Variants in ANO6 observed in about 807,000 individuals in gnomAD.
ANO6 encodes anoctamin-6.
Under a neutral mutation model 117.5 loss-of-function variants are expected in ANO6, and 106 were observed. The ratio of observed to expected loss-of-function variants is 0.90; its 90% CI spans 0.77 to 1.06. The LOEUF is 1.06. Ranked by LOEUF, ANO6 falls within the 50% of genes least tolerant of loss-of-function variation. The pLI is 0.00. For synonymous variants in ANO6, 367 were observed against 385.1 expected (o/e 0.95, Z 0.55); for missense variants, 955 against 1,121.1 (o/e 0.85, Z 2.12).
intron 2 of ANO6, among the ~76,000 whole-genome samples, chr12:45,327,383 G>A (rs897451509): frequency 1.3e-5 from 2 of 152,218 alleles, no homozygotes; most frequent in Non-Finnish European, 2.9e-5. Flanking sequence ...TTAGCAACCA[G>A]TGTATCAAAA....
intron 1 of ANO6, among the ~76,000 whole-genome samples, chr12:45,255,514 T>C (rs1056339471): frequency 3.1e-4 from 47 of 152,204 alleles, no homozygotes; most frequent in African/African-American, 8.2e-4. Context: ...AAAACAGGAA[T>C]GTTGCTGAAG....
chr12:45,346,690 T>C (rs915708946), intron 3 of ANO6, among the ~76,000 whole-genome samples: 67 of 152,178 alleles, frequency 4.4e-4, no homozygotes, highest in African/African-American at 1.4e-3. Flanking sequence ...TGTATGCTTT[T>C]ATGAGCCAAA....
At chr12:45,230,126 T>C (rs868289610) in intron 1 of ANO6, among the ~76,000 whole-genome samples, 27 of 152,268 alleles carry the variant, frequency 1.8e-4, no homozygotes, top group Middle Eastern at 6.8e-3. Flanking sequence ...CTTCCACTTA[T>C]ACAGCTCATT....
intron 2 of ANO6, among the ~76,000 whole-genome samples, chr12:45,323,563 A>G (rs955816238): frequency 1.3e-5 from 2 of 152,244 alleles, no homozygotes; most frequent in South Asian, 2.1e-4. Context: ...AGCTTTTACT[A>G]TATTCCAGGT....
intron 10 of ANO6, among the ~76,000 whole-genome samples, chr12:45,382,135 A>G (rs1942184740): frequency 6.6e-6 from 1 of 152,202 alleles, no homozygotes; most frequent in Admixed American, 6.5e-5. Context: ...AGTTGCAGCA[A>G]GCTTTGAGAA....
At chr12:45,275,526 GC>G (rs1283735914) in intron 1 of ANO6, among the ~76,000 whole-genome samples, 17 of 152,244 alleles carry the variant, frequency 1.1e-4, no homozygotes, top group African/African-American at 3.9e-4. Context: ...TCCTTTTAAA[GC>G]AAAACTTCTA....
chr12:45,304,702 A>C (rs926432651), intron 2 of ANO6, among the ~76,000 whole-genome samples: 1 of 152,184 alleles, frequency 6.6e-6, no homozygotes, highest in Admixed American at 6.5e-5. Flanking sequence ...TATCATTATT[A>C]GTTCATTTCC....
At chr12:45,400,604 GTAAC>G (rs1256991909) in intron 12 of ANO6, among the ~76,000 whole-genome samples, 1 of 152,180 alleles carries the variant, frequency 6.6e-6, no homozygotes, top group Non-Finnish European at 1.5e-5. Flanking sequence ...TTTACCTGAA[GTAAC>G]TCATTGAATC....
chr12:45,252,198 G>A (rs1459394697), intron 1 of ANO6, among the ~76,000 whole-genome samples: 1 of 152,154 alleles, frequency 6.6e-6, no homozygotes, highest in Admixed American at 6.5e-5. Flanking sequence ...TCACCTGGCA[G>A]AACACACCAT....
intron 1 of ANO6, among the ~76,000 whole-genome samples, chr12:45,291,485 T>G (rs1223199934): frequency 6.6e-6 from 1 of 151,908 alleles, no homozygotes; most frequent in Non-Finnish European, 1.5e-5. Flanking sequence ...AATTAAAAAT[T>G]TTTGTGCATC....
chr12:45,372,718 A>G (rs1181221861), intron 9 of ANO6, among the ~76,000 whole-genome samples: 1 of 152,190 alleles, frequency 6.6e-6, no homozygotes, highest in Non-Finnish European at 1.5e-5. Flanking sequence ...GAAGCACTAA[A>G]CATGGAAAGG....
At chr12:45,420,547 G>C (rs1943332059) in intron 17 of ANO6, among the ~76,000 whole-genome samples, 1 of 152,076 alleles carries the variant, frequency 6.6e-6, no homozygotes, top group South Asian at 2.1e-4. Context: ...CGAGGTTACA[G>C]TGAGCTGTGA....
chr12:45,381,648 A>G (rs1334939865), intron 10 of ANO6, among the ~76,000 whole-genome samples: 1 of 152,184 alleles, frequency 6.6e-6, no homozygotes, highest in Non-Finnish European at 1.5e-5. Flanking sequence ...TGCAATTCCC[A>G]GGGGTTTTCC....
intron 15 of ANO6, among the ~76,000 whole-genome samples, chr12:45,405,652 G>A (rs1189508344): frequency 6.6e-6 from 1 of 152,164 alleles, no homozygotes; most frequent in African/African-American, 2.4e-5. Flanking sequence ...GTTCACACTG[G>A]TAATCCCAGC....
At position 45,430,202 on chromosome 12, in the gene ANO6, A is replaced by G. The variant is rs17095888; in HGVS notation, c.*891A>G. 11,892 of 985,428 alleles carry G rather than the reference A, an allele frequency of 0.012. 170 individuals are homozygous for G. The highest frequency in any genetic ancestry group is 0.095 in the East Asian group (836 of 8,818). The allele number at this position is 985,428 out of a possible 1,614,324, so 61.0% of individuals were successfully genotyped here. ...TGATTAAAATTACATTTTTATCAAC[A>G]TAATTGTCTGGAAAAGATAAGCCCC... On this transcript the variant is annotated 3_prime_UTR_variant, in exon 20 of 20. Coordinates refer to ENST00000320560, the MANE Select transcript of ANO6 (RefSeq NM_001025356.3).
At chr12:45,285,145 A>G (rs1291210588) in intron 1 of ANO6, among the ~76,000 whole-genome samples, 2 of 152,222 alleles carry the variant, frequency 1.3e-5, no homozygotes, top group African/African-American at 4.8e-5. Flanking sequence ...ATATAATCAC[A>G]TGATTGAAGT....
intron 1 of ANO6, among the ~76,000 whole-genome samples, chr12:45,248,428 CTT>C (rs35185612): frequency 2.6e-4 from 32 of 120,802 alleles, no homozygotes; most frequent in Admixed American, 4.2e-4. Flanking sequence ...AAAAAGTAGA[CTT>C]TTTTTTTTTT....
At chr12:45,245,558 T>C (rs1026081459) in intron 1 of ANO6, among the ~76,000 whole-genome samples, 12 of 152,054 alleles carry the variant, frequency 7.9e-5, no homozygotes, top group Non-Finnish European at 1.5e-4. Context: ...CATTTTTTTT[T>C]CCATCTATGT....
At chr12:45,396,963 G>A (rs535434675) in intron 12 of ANO6, among the ~76,000 whole-genome samples, 16 of 152,130 alleles carry the variant, frequency 1.1e-4, no homozygotes, top group Non-Finnish European at 2.1e-4. Flanking sequence ...AACACCAAAA[G>A]CAATAGCAAC....
Sources: allele counts gnomAD v4.1 joint callset (sites outside exome capture counted in the v4.1 genomes callset), GRCh38; gene constraint gnomAD v4.1.1; transcripts MANE v1.5; gene names NCBI Gene and HGNC (gene_info 2026-07-23, HGNC 2026-07-21).